KLHL2: variants seen among roughly 807,000 people sequenced by gnomAD.
The protein encoded by KLHL2 is kelch like family member 2.
In KLHL2, 15 loss-of-function variants were observed where a neutral mutation model predicts 75.8. The observed-to-expected ratio is 0.20, with a 90% CI of 0.13 to 0.30. The LOEUF (loss-of-function observed/expected upper bound fraction) is 0.30. Among genes scored for constraint, KLHL2 ranks in the 10% least tolerant of loss-of-function variants. The pLI, the probability that KLHL2 is intolerant of heterozygous loss-of-function variation, is 1.00. For synonymous variants in KLHL2, 214 were observed against 251.9 expected (o/e 0.85, Z 1.42); for missense variants, 381 against 741.0 (o/e 0.51, Z 5.64).
At chr4:165,289,490 T>A (rs1005992144) in intron 5 of KLHL2, among the ~76,000 whole-genome samples, 2 of 150,996 alleles carry the variant, frequency 1.3e-5, no homozygotes, top group Non-Finnish European at 2.9e-5. Context: ...ACTTTTCCTT[T>A]AGGCTAATTT....
At chr4:165,318,466 T>C (rs1342369360) in intron 14 of KLHL2, among the ~76,000 whole-genome samples, 1 of 152,158 alleles carries the variant, frequency 6.6e-6, no homozygotes, top group African/African-American at 2.4e-5. Context: ...TTATGGTGAG[T>C]CTTTATGTTA....
chr4:165,279,951 G>A (rs1040966774), intron 5 of KLHL2, among the ~76,000 whole-genome samples: 10 of 152,164 alleles, frequency 6.6e-5, no homozygotes, highest in African/African-American at 2.2e-4. Flanking sequence ...ATAGCTCCCT[G>A]TGACTATCAT....
intron 1 of KLHL2, among the ~76,000 whole-genome samples, chr4:165,216,310 A>G (rs1346776915): frequency 1.3e-5 from 2 of 152,200 alleles, no homozygotes; most frequent in Admixed American, 1.3e-4. Flanking sequence ...GATATCTATG[A>G]TAAAACATAG....
At chr4:165,258,395 CAAAAAAA>C (rs56083222) in intron 4 of KLHL2, among the ~76,000 whole-genome samples, 1 of 105,554 alleles carries the variant, frequency 9.5e-6, no homozygotes. Flanking sequence ...TTAACTATGA[CAAAAAAA>C]AAAAAAAAAA....
At chr4:165,302,398 G>A (rs188951615) in intron 8 of KLHL2, among the ~76,000 whole-genome samples, 153 of 152,234 alleles carry the variant, frequency 1.0e-3, no homozygotes, top group East Asian at 1.7e-3. Context: ...GTAATAATGA[G>A]TCAAATTGAA....
intron 5 of KLHL2, among the ~76,000 whole-genome samples, chr4:165,291,499 T>G (rs1744504571): frequency 6.6e-6 from 1 of 152,244 alleles, no homozygotes; most frequent in Non-Finnish European, 1.5e-5. Context: ...TGAGTTAATT[T>G]TTGTGAGAAG....
At chr4:165,230,629 C>G (rs1738808873) in intron 3 of KLHL2, among the ~76,000 whole-genome samples, 1 of 150,482 alleles carries the variant, frequency 6.6e-6, no homozygotes, top group Non-Finnish European at 1.5e-5. Context: ...GAGTGATTAA[C>G]TTACACCTGT....
At chr4:165,214,974 A>C (rs1238492301) in intron 1 of KLHL2, among the ~76,000 whole-genome samples, 2 of 152,098 alleles carry the variant, frequency 1.3e-5, no homozygotes, top group Non-Finnish European at 2.9e-5. Flanking sequence ...CCTCATATTC[A>C]GTTCTACATA....
chr4:165,227,441 A>G (rs1738524619), intron 2 of KLHL2, among the ~76,000 whole-genome samples: 1 of 152,206 alleles, frequency 6.6e-6, no homozygotes, highest in Admixed American at 6.5e-5. Flanking sequence ...GGAAAACTTC[A>G]AGGACTTGGT....
chr4:165,289,243 C>T (rs1744321349), intron 5 of KLHL2, among the ~76,000 whole-genome samples: 1 of 152,128 alleles, frequency 6.6e-6, no homozygotes, highest in Non-Finnish European at 1.5e-5. Flanking sequence ...CTAATTTACT[C>T]CAGATGTTGC....
At chr4:165,303,575 T>A (rs1353210164) in intron 8 of KLHL2, among the ~76,000 whole-genome samples, 7 of 152,004 alleles carry the variant, frequency 4.6e-5, no homozygotes, top group Non-Finnish European at 1.0e-4. Context: ...TATTTATTTA[T>A]TTTTTGAGAT....
chr4:165,313,678 T>C (rs1428399120), intron 12 of KLHL2, among the ~76,000 whole-genome samples: 1 of 152,202 alleles, frequency 6.6e-6, no homozygotes, highest in Non-Finnish European at 1.5e-5. Context: ...TTTTCATGTA[T>C]ATTTCTTAAA....
rs1441459294 is a variant in KLHL2 at position 165,297,683 on chromosome 4, A to G, written c.729A>G (p.Glu243=). The G allele has an allele frequency of 1.2e-6, 2 of 1,613,750 alleles. No individual in the cohort carries two copies. Among genetic ancestry groups the G allele is most frequent in the African/African-American group, 2.7e-5 (2 of 74,922 alleles). The change falls in exon 7 of 15, where the codon GAA becomes GAG. Residue 243 remains glutamate (E), a synonymous_variant. Transcript: ENST00000226725. The part of the protein sequence containing the change: ...VRQEFMARLM[E]HVRLPLLPRE... Reference sequence around the variant, plus strand: ...AAGAGTTTATGGCCCGACTGATGGAACATGTACGGTTACCTTTGCTTCCTC... The same window carrying G: ...AAGAGTTTATGGCCCGACTGATGGAGCATGTACGGTTACCTTTGCTTCCTC...
At chr4:165,288,406 T>G (rs1260134253) in intron 5 of KLHL2, among the ~76,000 whole-genome samples, 1 of 152,204 alleles carries the variant, frequency 6.6e-6, no homozygotes, top group Non-Finnish European at 1.5e-5. Context: ...TAATCACTAT[T>G]ATTAGTTTCT....
rs1261843154 is a variant in KLHL2 at position 165,322,920 on chromosome 4, T to G, written c.*860T>G. 1 of 152,592 alleles carries G rather than the reference T, an allele frequency of 6.6e-6. No individual in the cohort carries two copies. The highest frequency in any genetic ancestry group is 2.4e-5 in the African/African-American group (1 of 41,440). 9.5% of individuals were successfully genotyped at this position (152,592 alleles called of 1,614,324 possible). ...ACTTTGGCATGAACATTACTGCAGG[T>G]TTTTGATGAATATAATGAATGTATG... On this transcript the variant is annotated 3_prime_UTR_variant, in exon 15 of 15. Transcript: ENST00000226725.
At chr4:165,224,758 G>A (rs1738296319) in intron 2 of KLHL2, among the ~76,000 whole-genome samples, 1 of 152,194 alleles carries the variant, frequency 6.6e-6, no homozygotes, top group African/African-American at 2.4e-5. Context: ...GTATACCTGA[G>A]ATATTTTGAT....
At chr4:165,317,679 C>T (rs544869189) in intron 13 of KLHL2, 147 bp from the exon 14 acceptor site, 37 of 648,390 alleles carry the variant, frequency 5.7e-5, no homozygotes, top group African/African-American at 1.3e-4. Flanking sequence ...TAATATAAAA[C>T]GAATTCTTTT....
At chr4:165,222,879 G>A (rs1434701142) in intron 2 of KLHL2, among the ~76,000 whole-genome samples, 1 of 152,178 alleles carries the variant, frequency 6.6e-6, no homozygotes, top group East Asian at 1.9e-4. Flanking sequence ...AGCAACAGCT[G>A]TACTCCGAAC....
At chr4:165,264,751 T>TACAC in intron 5 of KLHL2, among the ~76,000 whole-genome samples, 1 of 74,184 alleles carries the variant, frequency 1.3e-5, no homozygotes, top group Non-Finnish European at 2.7e-5. Flanking sequence ...TATATATATA[T>TACAC]ATATATATAT....
Sources: gnomAD v4.1 joint callset for allele counts (sites outside exome capture counted in the v4.1 genomes callset) on GRCh38, gnomAD v4.1.1 for gene constraint, MANE v1.5 for transcripts, NCBI Gene and HGNC (gene_info 2026-07-23, HGNC 2026-07-21) for gene names.